Variants in KCNH8 observed in about 807,000 individuals in gnomAD.
KCNH8 encodes voltage-gated delayed rectifier potassium channel KCNH8.
In KCNH8, 70 loss-of-function variants were observed where a neutral mutation model predicts 103.6. The ratio of observed to expected loss-of-function variants is 0.68; its 90% CI spans 0.56 to 0.82. KCNH8 has a LOEUF of 0.82. KCNH8 is among the 40% of genes least tolerant of loss of function. The pLI, the probability that KCNH8 is intolerant of heterozygous loss-of-function variation, is 0.00. For synonymous variants in KCNH8, 498 were observed against 489.4 expected, an observed-to-expected ratio of 1.02 and a Z score of -0.23; for missense variants, 1,217 against 1,329.9, an observed-to-expected ratio of 0.92 and a Z score of 1.32.
intron 3 of KCNH8, among the ~76,000 whole-genome samples, chr3:19,317,791 A>G (rs1386493215): frequency 6.6e-6 from 1 of 151,846 alleles, no homozygotes; most frequent in Non-Finnish European, 1.5e-5. Context: ...CATGTTAAAA[A>G]CTCTCAATAA....
rs143270392 is a variant in KCNH8 at position 19,347,880 on chromosome 3, C to A, written c.726C>A (p.Asn242Lys). The A allele has an allele frequency of 6.2e-7, 1 of 1,613,402 alleles. No individual in the cohort carries two copies. The highest frequency in any genetic ancestry group is 8.5e-7 in the Non-Finnish European group (1 of 1,179,504). The change falls in exon 5 of 16, where the codon AAC becomes AAA. Residue 242 changes from asparagine (N) to lysine (K), a missense_variant. Asn to Lys is a moderately conservative substitution (Grantham distance 94, BLOSUM62 0). This residue lies in a region of KCNH8 where 415 missense variants were observed against 577.4 expected (regional missense o/e 0.72). Coordinates refer to ENST00000328405, the MANE Select transcript of KCNH8 (RefSeq NM_144633.3). ...TFYVAVTVPY[N>K]VCFIGNDDLS... ...ATGTTGCTGTGACTGTACCTTACAA[C>A]GTTTGCTTTATTGGCAATGACGACC...
intron 14 of KCNH8, among the ~76,000 whole-genome samples, chr3:19,517,435 G>GAAAT (rs1484053315): frequency 2.0e-5 from 3 of 151,926 alleles, no homozygotes; most frequent in Non-Finnish European, 4.4e-5. Flanking sequence ...GTCCCTGACA[G>GAAAT]AAATAAATAT....
At chr3:19,494,399 G>T (rs189511230) in intron 11 of KCNH8, among the ~76,000 whole-genome samples, 1 of 151,406 alleles carries the variant, frequency 6.6e-6, no homozygotes, top group African/African-American at 2.4e-5. Context: ...GAAAACAGGA[G>T]TTTCCCTACA....
chr3:19,453,765 C>A (rs1393344868), intron 10 of KCNH8, among the ~76,000 whole-genome samples: 3 of 152,076 alleles, frequency 2.0e-5, no homozygotes, highest in Admixed American at 2.0e-4. Flanking sequence ...ACAAAATGAG[C>A]CCTTACCAAA....
Position 19,395,352 on chromosome 3 carries a change from A to T in KCNH8, c.1177+41A>T, listed in dbSNP as rs200611907. The T allele has an allele frequency of 2.6e-4, 332 of 1,301,214 alleles. 1 individual carries two copies. The African/African-American group carries it at 3.9e-3, about 15-fold the overall frequency. 80.6% of individuals were successfully genotyped at this position (1,301,214 alleles called of 1,614,324 possible). On this transcript the variant is annotated intron_variant, in intron 7 of 15. Transcript: ENST00000328405. ...TGTCACATTTTCCATTTTTTAATTT[A>T]AAAAAAAAGAGTATCAAGAACTTGG...
Position 19,148,773 on chromosome 3 carries a change from C to A in KCNH8, c.54C>A (p.Ile18=). The A allele has an allele frequency of 6.2e-7, 1 of 1,614,136 alleles. No individual in the cohort carries two copies. The highest frequency in any genetic ancestry group is 1.1e-5 in the South Asian group (1 of 91,082). Residue 18 remains isoleucine, a synonymous_variant, in exon 1 of 16, where the codon ATC becomes ATA. Transcript: ENST00000328405. ...LAPQNTFLDT[I]ATRFDGTHSN... Reference sequence around the variant, plus strand: ...CGCAAAACACCTTCCTGGACACCATCGCCACCCGTTTTGACGGAACACGTA... The same window carrying A: ...CGCAAAACACCTTCCTGGACACCATAGCCACCCGTTTTGACGGAACACGTA...
At chr3:19,376,565 C>T (rs934510819) in intron 5 of KCNH8, among the ~76,000 whole-genome samples, 5 of 152,168 alleles carry the variant, frequency 3.3e-5, no homozygotes, top group Admixed American at 6.5e-5. Flanking sequence ...TCTTCTGTGT[C>T]GCTCACGCTG....
chr3:19,252,756 A>G (rs2064295705), intron 1 of KCNH8, among the ~76,000 whole-genome samples: 1 of 152,168 alleles, frequency 6.6e-6, no homozygotes. Context: ...CTAAGCACAT[A>G]ATATGCATAA....
intron 11 of KCNH8, among the ~76,000 whole-genome samples, chr3:19,490,921 T>C (rs1352957366): frequency 6.6e-6 from 1 of 152,182 alleles, no homozygotes; most frequent in African/African-American, 2.4e-5. Context: ...TTCTGTTCTT[T>C]GACAAGTAGA....
chr3:19,340,096 G>A (rs954429092), intron 3 of KCNH8, among the ~76,000 whole-genome samples: 14 of 151,982 alleles, frequency 9.2e-5, no homozygotes, highest in Admixed American at 3.3e-4. Context: ...TTATTTCATA[G>A]GATATTTATG....
At chr3:19,505,143 T>A (rs1411894840) in intron 11 of KCNH8, among the ~76,000 whole-genome samples, 1 of 151,922 alleles carries the variant, frequency 6.6e-6, no homozygotes, top group Non-Finnish European at 1.5e-5. Context: ...AATGAGATCA[T>A]GTTCTCTAAA....
At chr3:19,470,489 G>T (rs1435162100) in intron 11 of KCNH8, among the ~76,000 whole-genome samples, 1 of 152,182 alleles carries the variant, frequency 6.6e-6, no homozygotes, top group Non-Finnish European at 1.5e-5. Flanking sequence ...GAGTAAGGTG[G>T]ACTTTCTTAG....
At chr3:19,260,949 T>A (rs2064426118) in intron 2 of KCNH8, among the ~76,000 whole-genome samples, 2 of 145,680 alleles carry the variant, frequency 1.4e-5, no homozygotes, top group Admixed American at 1.4e-4. Flanking sequence ...TCCTCCTTTT[T>A]TAAGGCTGAA....
chr3:19,371,648 C>T (rs2066097706), intron 5 of KCNH8, among the ~76,000 whole-genome samples: 1 of 150,616 alleles, frequency 6.6e-6, no homozygotes, highest in Middle Eastern at 3.5e-3. Context: ...GCTTTTGTTG[C>T]CATTGCTTTT....
intron 7 of KCNH8, among the ~76,000 whole-genome samples, chr3:19,414,448 A>G (rs2066832497): frequency 6.6e-6 from 1 of 152,084 alleles, no homozygotes; most frequent in African/African-American, 2.4e-5. Context: ...AAATGTAAGA[A>G]ATAGTAGGTC....
intron 5 of KCNH8, among the ~76,000 whole-genome samples, chr3:19,376,649 A>T (rs773461978): frequency 6.6e-6 from 1 of 152,176 alleles, no homozygotes; most frequent in Non-Finnish European, 1.5e-5. Context: ...TAAATTTACT[A>T]ATGTATTGCC....
intron 1 of KCNH8, among the ~76,000 whole-genome samples, chr3:19,236,104 A>G (rs1166721033): frequency 1.3e-5 from 2 of 152,246 alleles, no homozygotes; most frequent in Non-Finnish European, 2.9e-5. Context: ...AATAGTATAT[A>G]AAAGGCTCTG....
chr3:19,214,277 G>A (rs574425135), intron 1 of KCNH8, among the ~76,000 whole-genome samples: 2 of 152,290 alleles, frequency 1.3e-5, no homozygotes, highest in African/African-American at 4.8e-5. Flanking sequence ...TATATTAAAT[G>A]TTGTCTGTTT....
intron 1 of KCNH8, among the ~76,000 whole-genome samples, chr3:19,172,440 G>T (rs2063357360): frequency 6.6e-6 from 1 of 152,044 alleles, no homozygotes; most frequent in African/African-American, 2.4e-5. Context: ...TGTGAAAGAA[G>T]AATAATAGAA....
Sources: allele counts gnomAD v4.1 joint callset (sites outside exome capture counted in the v4.1 genomes callset), GRCh38; gene constraint gnomAD v4.1.1; regional missense constraint gnomAD v4.1.1; transcripts MANE v1.5; gene names NCBI Gene and HGNC (gene_info 2026-07-23, HGNC 2026-07-21).